RUFY2: variants seen among roughly 807,000 people sequenced by gnomAD.
RUFY2 encodes the protein RUN and FYVE domain containing 2.
In RUFY2, 49 loss-of-function variants were observed where a neutral mutation model predicts 94.4. That is an observed-to-expected ratio of 0.52 (90% CI 0.41 to 0.66). The LOEUF (loss-of-function observed/expected upper bound fraction) is 0.66, where lower values mean the gene tolerates loss of function less well. RUFY2 is among the 30% of genes least tolerant of loss of function. The pLI, the probability that RUFY2 is intolerant of heterozygous loss-of-function variation, is 0.00. For synonymous variants in RUFY2, 255 were observed against 235.7 expected (o/e 1.08, Z -0.75); for missense variants, 541 against 692.8 (o/e 0.78, Z 2.46).
Position 68,407,198 on chromosome 10 carries a change from C to G in RUFY2, c.-9G>C, listed in dbSNP as rs1229699449. 2.1e-6 allele frequency: 3 copies of G among 1,416,306 alleles called. No individual in the cohort carries two copies. The highest frequency in any genetic ancestry group is 1.8e-6 in the Non-Finnish European group (2 of 1,098,136). 87.7% of individuals were successfully genotyped at this position (1,416,306 alleles called of 1,614,324 possible). On this transcript the variant is annotated 5_prime_UTR_variant, in exon 1 of 18. Transcript: ENST00000602465. ...CCGCTCGCCTTACCCATGGCGGCGG[C>G]GGCTGCGCGGTCTCGGGCGGAGGCT... is the stretch of plus-strand genomic sequence containing the variant.
At chr10:68,386,816 A>T (rs2049537728) in intron 7 of RUFY2, among the ~76,000 whole-genome samples, 1 of 152,172 alleles carries the variant, frequency 6.6e-6, no homozygotes, top group African/African-American at 2.4e-5. Flanking sequence ...CATATAAACA[A>T]TGGTCTTTAA....
At chr10:68,393,081 A>T in intron 7 of RUFY2, 57 bp downstream of exon 7, 1 of 1,047,772 alleles carries the variant, frequency 9.5e-7, no homozygotes, top group Non-Finnish European at 1.4e-6. Flanking sequence ...GCTGAAGGGA[A>T]AAAAACAAAA....
chr10:68,342,151 T>C, downstream of RUFY2: 1 of 772,316 alleles, frequency 1.3e-6, no homozygotes, highest in South Asian at 2.3e-5. Flanking sequence ...AACTTTATAA[T>C]GACTGAAGGA....
At chr10:68,393,856 C>T in intron 6 of RUFY2, 1 of 989,916 alleles carries the variant, frequency 1.0e-6, no homozygotes, top group Non-Finnish European at 1.4e-6. Context: ...CAGGTATAAC[C>T]AAAGGTCCCA....
intron 16 of RUFY2, among the ~76,000 whole-genome samples, chr10:68,353,492 G>A (rs777083126): frequency 9.9e-5 from 15 of 150,952 alleles, no homozygotes; most frequent in Admixed American, 1.3e-4. Flanking sequence ...GCAAGACTCC[G>A]TCTCAAAAAA....
chr10:68,342,147 A>G, downstream of RUFY2: 1 of 814,624 alleles, frequency 1.2e-6, no homozygotes, highest in Non-Finnish European at 1.9e-6. Flanking sequence ...TAAGAACTTT[A>G]TAATGACTGA....
chr10:68,341,374 A>G (rs1402413589), downstream of RUFY2: 2 of 1,510,650 alleles, frequency 1.3e-6, no homozygotes, highest in Non-Finnish European at 1.8e-6. Context: ...AAGAGGCTCT[A>G]AGATCTGTAG....
chr10:68,389,590 GA>G (rs1214656015), intron 7 of RUFY2, among the ~76,000 whole-genome samples: 6 of 141,376 alleles, frequency 4.2e-5, no homozygotes, highest in African/African-American at 5.2e-5. Context: ...ACTCTGTCTC[GA>G]AAAAAAAAAA....
chr10:68,400,692 A>G (rs1479484809), intron 3 of RUFY2, among the ~76,000 whole-genome samples: 3 of 145,990 alleles, frequency 2.1e-5, no homozygotes, highest in African/African-American at 7.6e-5. Flanking sequence ...AATAAAGAAA[A>G]TAAAAATTAA....
intron 16 of RUFY2, among the ~76,000 whole-genome samples, chr10:68,350,571 C>A (rs958779399): frequency 2.6e-5 from 4 of 152,014 alleles, no homozygotes; most frequent in African/African-American, 9.7e-5. Context: ...AAGTATAAAG[C>A]AAAACAAAGT....
At chr10:68,347,002 C>T (rs574121247) in intron 16 of RUFY2, among the ~76,000 whole-genome samples, 1 of 151,986 alleles carries the variant, frequency 6.6e-6, no homozygotes, top group African/African-American at 2.4e-5. Flanking sequence ...GCCCATAGTC[C>T]CAGCTACTCT....
intron 13 of RUFY2, among the ~76,000 whole-genome samples, chr10:68,373,757 G>T (rs1460463330): frequency 1.3e-5 from 2 of 152,112 alleles, no homozygotes; most frequent in African/African-American, 4.8e-5. Flanking sequence ...GGGCAACAAA[G>T]CAAGATCCTG....
chr10:68,352,780 T>C (rs988671777), intron 16 of RUFY2, among the ~76,000 whole-genome samples: 1 of 151,386 alleles, frequency 6.6e-6, no homozygotes, highest in Non-Finnish European at 1.5e-5. Context: ...AATATAAAAA[T>C]TAGGTGGCAC....
intron 4 of RUFY2, among the ~76,000 whole-genome samples, chr10:68,395,153 C>T (rs1488616007): frequency 1.3e-5 from 2 of 151,876 alleles, no homozygotes; most frequent in African/African-American, 2.4e-5. Context: ...ACCTGGCCAA[C>T]ATGGTGAAAC....
downstream of RUFY2, chr10:68,341,834 A>G: frequency 1.2e-6 from 2 of 1,610,352 alleles, no homozygotes; most frequent in Non-Finnish European, 1.7e-6. Context: ...GGTACTCCTG[A>G]TGGTTTGGGT....
At chr10:68,352,779 A>G (rs1195232746) in intron 16 of RUFY2, among the ~76,000 whole-genome samples, 1 of 151,578 alleles carries the variant, frequency 6.6e-6, no homozygotes, top group Non-Finnish European at 1.5e-5. Context: ...AAATATAAAA[A>G]TTAGGTGGCA....
Position 68,407,245 on chromosome 10 carries a change from C to T in RUFY2, c.-56G>A. ...GGCTCCCTCGGCCTGTCCAGCAGCT[C>T]CTTCCAGGCGCTCGGCGGCCACCAC... On this transcript the variant is annotated 5_prime_UTR_variant, in exon 1 of 18. Coordinates refer to ENST00000602465, the MANE Select transcript of RUFY2 (RefSeq NM_001330103.2). 1 of 1,291,272 alleles carries T rather than the reference C, an allele frequency of 7.7e-7. No homozygotes were observed. The highest frequency in any genetic ancestry group is 9.8e-7 in the Non-Finnish European group (1 of 1,017,736). The allele number at this position is 1,291,272 out of a possible 1,614,324, so 80.0% of individuals were successfully genotyped here. A position where few individuals can be genotyped will look rare whatever the true frequency, so the allele number is the denominator to read the frequency against.
intron 13 of RUFY2, among the ~76,000 whole-genome samples, chr10:68,366,330 CAAAAAAA>C (rs374353912): frequency 3.6e-5 from 2 of 55,440 alleles, no homozygotes; most frequent in Non-Finnish European, 6.6e-5. Flanking sequence ...AACTCCATCT[CAAAAAAA>C]AAAAAAAAAA....
At chr10:68,398,369 T>C (rs61855079) in intron 3 of RUFY2, among the ~76,000 whole-genome samples, 17,765 of 151,954 alleles carry the variant, frequency 0.12, 1,216 homozygotes, top group South Asian at 0.24. Flanking sequence ...AAAATAAAAG[T>C]GGCCTGGCGT....
Sources: allele counts gnomAD v4.1 joint callset (sites outside exome capture counted in the v4.1 genomes callset), GRCh38; gene constraint gnomAD v4.1.1; transcripts MANE v1.5; gene names NCBI Gene and HGNC (gene_info 2026-07-23, HGNC 2026-07-21).